Variants in LMCD1 observed in about 807,000 individuals in gnomAD.
LMCD1 encodes the protein LIM and cysteine-rich domains protein 1.
LMCD1 carries 32 observed loss-of-function variants against 42.7 expected under a neutral mutation model. That is an observed-to-expected ratio of 0.75 (90% CI 0.57 to 1.01). The LOEUF is 1.01. Ranked by LOEUF, LMCD1 falls within the 50% of genes least tolerant of loss-of-function variation. The pLI, the probability that LMCD1 is intolerant of heterozygous loss-of-function variation, is 0.00. For synonymous variants in LMCD1, 178 were observed against 184.9 expected, an observed-to-expected ratio of 0.96 and a Z score of 0.30; for missense variants, 458 against 483.1, an observed-to-expected ratio of 0.95 and a Z score of 0.49.
At chr3:8,533,445 C>A (rs746326532) in intron 2 of LMCD1, among the ~76,000 whole-genome samples, 1 of 152,142 alleles carries the variant, frequency 6.6e-6, no homozygotes, top group Non-Finnish European at 1.5e-5. Flanking sequence ...GTGGATGGCA[C>A]CTCTGGAGTG....
At chr3:8,549,855 T>G in intron 4 of LMCD1, 1 of 715,948 alleles carries the variant, frequency 1.4e-6, no homozygotes, top group South Asian at 1.5e-5. Context: ...CTAACTCGGG[T>G]CTCTCTTCCT....
At chr3:8,518,855 G>A (rs533576366) in intron 1 of LMCD1, among the ~76,000 whole-genome samples, 1 of 152,210 alleles carries the variant, frequency 6.6e-6, no homozygotes, top group South Asian at 2.1e-4. Context: ...GAGGAGGCTA[G>A]GATCCTGGAA....
chr3:8,548,856 G>A lies in LMCD1; in HGVS notation c.676G>A (p.Ala226Thr). 2 of 1,571,966 alleles carry A rather than the reference G, an allele frequency of 1.3e-6. No homozygotes were observed. The highest frequency in any genetic ancestry group is 1.7e-6 in the Non-Finnish European group (2 of 1,154,596). Residue 226 changes from alanine to threonine, a missense_variant, in exon 4 of 6, where the codon GCT (alanine) becomes ACT (threonine). Ala to Thr is a moderately conservative substitution (Grantham distance 58). Transcript: ENST00000157600. ...EKPEGAETTA[A>T]TTNGSLSDPS... is the part of the protein sequence containing the mutation. Reference sequence around the variant, plus strand: ...GCCAGAGGGGGCAGAGACCACTGCTGCTACCACCAACGGCAGTCTCAGTGA... The same window carrying A: ...GCCAGAGGGGGCAGAGACCACTGCTACTACCACCAACGGCAGTCTCAGTGA...
chr3:8,526,367 T>C (rs1694300182), intron 1 of LMCD1, among the ~76,000 whole-genome samples: 1 of 152,178 alleles, frequency 6.6e-6, no homozygotes, highest in African/African-American at 2.4e-5. Flanking sequence ...AAATCTAAGC[T>C]CTAGCACTTT....
chr3:8,539,690 C>T (rs184048317), intron 3 of LMCD1, among the ~76,000 whole-genome samples: 4 of 152,244 alleles, frequency 2.6e-5, no homozygotes, highest in African/African-American at 9.6e-5. Flanking sequence ...CATAAAACCA[C>T]ATGGCTGTAA....
chr3:8,547,477 A>G (rs1393484967), intron 3 of LMCD1, among the ~76,000 whole-genome samples: 3 of 152,256 alleles, frequency 2.0e-5, no homozygotes, highest in African/African-American at 7.2e-5. Flanking sequence ...CCATGAGCCA[A>G]TAAGGTGTAA....
intron 1 of LMCD1, among the ~76,000 whole-genome samples, chr3:8,522,357 G>T (rs1370471019): frequency 6.6e-6 from 1 of 152,148 alleles, no homozygotes; most frequent in Non-Finnish European, 1.5e-5. Flanking sequence ...AGGAGAGTGG[G>T]TAACTAGTCT....
intron 1 of LMCD1, among the ~76,000 whole-genome samples, chr3:8,529,862 C>T (rs577117295): frequency 9.2e-5 from 14 of 152,314 alleles, no homozygotes; most frequent in African/African-American, 2.6e-4. Flanking sequence ...CAACAAAGAA[C>T]GCTCAGTGCA....
At chr3:8,566,714 T>C (rs1695138614) in intron 5 of LMCD1, among the ~76,000 whole-genome samples, 2 of 152,222 alleles carry the variant, frequency 1.3e-5, no homozygotes, top group Middle Eastern at 3.2e-3. Flanking sequence ...TTAAGAAAAG[T>C]GCAGCTCTGA....
chr3:8,548,563 C>T lies in LMCD1; in HGVS notation c.388-5C>T, dbSNP rs763972763. 1.3e-6 allele frequency: 2 copies of T among 1,599,508 alleles called. No individual in the cohort carries two copies. The highest frequency in any genetic ancestry group is 4.5e-5 in the East Asian group (2 of 44,576). On this transcript the variant is annotated splice_region_variant and splice_polypyrimidine_tract_variant and intron_variant, in intron 3 of 5. Transcript: ENST00000157600. The stretch of plus-strand genomic sequence containing the variant: ...ATGTTGTCTCTTCCTCCTCCTCCTC[C>T]CTAGGGACTGCAGTACATGGAGCTC...
At position 8,552,509 on chromosome 3, in the gene LMCD1, C is replaced by T. The variant is rs75223739; in HGVS notation, c.723+3606C>T. ...CAGAAGGCTGGGTCCCCTTCCAGAG[C>T]TTATCAGTAGGTGTGGGGTGGAGCC... is the stretch of plus-strand genomic sequence containing the variant. On this transcript the variant is annotated intron_variant, in intron 4 of 5. Transcript: ENST00000157600. Among the ~76,000 whole-genome samples, 1,162 of 152,288 alleles carry T rather than the reference C, an allele frequency of 7.6e-3. 17 individuals are homozygous for T. Among genetic ancestry groups the T allele is most frequent in the African/African-American group, 0.027 (1,128 of 41,570 alleles).
chr3:8,539,312 C>T (rs1163530319), intron 3 of LMCD1, among the ~76,000 whole-genome samples: 1 of 152,186 alleles, frequency 6.6e-6, no homozygotes, highest in Non-Finnish European at 1.5e-5. Flanking sequence ...TTTAAAAGAA[C>T]ACTTCAGCAT....
At chr3:8,510,963 C>T (rs1374693990) in intron 1 of LMCD1, among the ~76,000 whole-genome samples, 5 of 152,206 alleles carry the variant, frequency 3.3e-5, no homozygotes, top group Admixed American at 1.3e-4. Context: ...CACATCTATG[C>T]ATAGGTAAAC....
At position 8,565,626 on chromosome 3, in the gene LMCD1, C is replaced by T. The variant is rs1379129513; in HGVS notation, c.918C>T (p.Pro306=). The stretch of plus-strand genomic sequence containing the variant: ...GCCATTACTGCGAGAGTCTGCGGCC[C>T]CGGTGCTCCGGCTGCGATGAGGTGG... ...CGRHYCESLR[P]RCSGCDEIIF... is the part of the protein sequence containing the mutation. The change falls in exon 5 of 6, where the codon CCC becomes CCT. Residue 306 remains proline (P), a synonymous_variant. Coordinates refer to ENST00000157600, the MANE Select transcript of LMCD1 (RefSeq NM_014583.4). 3.7e-6 allele frequency: 6 copies of T among 1,605,482 alleles called. No homozygotes were observed. Among genetic ancestry groups the T allele is most frequent in the Non-Finnish European group, 4.3e-6 (5 of 1,176,286 alleles).
chr3:8,510,209 T>C (rs1291558115), intron 1 of LMCD1, among the ~76,000 whole-genome samples: 6 of 152,116 alleles, frequency 3.9e-5, no homozygotes, highest in Non-Finnish European at 8.8e-5. Flanking sequence ...ATCTGCTGGC[T>C]GAAAGAGGTG....
At chr3:8,562,996 G>A (rs1695066538) in intron 4 of LMCD1, among the ~76,000 whole-genome samples, 1 of 152,212 alleles carries the variant, frequency 6.6e-6, no homozygotes, top group Admixed American at 6.5e-5. Flanking sequence ...GTCTAAACCT[G>A]TCTCTAAGGT....
At chr3:8,558,930 A>T (rs1197257357) in intron 4 of LMCD1, among the ~76,000 whole-genome samples, 1 of 152,146 alleles carries the variant, frequency 6.6e-6, no homozygotes, top group Non-Finnish European at 1.5e-5. Context: ...ACTGTATCAG[A>T]CACTGTGGGG....
rs1040426929 is a variant in LMCD1 at position 8,573,259 on chromosome 3, A to G, written c.*5661A>G. The stretch of plus-strand genomic sequence containing the variant: ...ACACTTCCTAGTTTATTTGGATTTA[A>G]GTTGACAAATAAAAATTGCATATGT... On this transcript the variant is annotated 3_prime_UTR_variant, in exon 6 of 6. Transcript: ENST00000157600. 6 of 152,222 alleles carry G rather than the reference A, an allele frequency of 3.9e-5. No homozygotes were observed. Among genetic ancestry groups the G allele is most frequent in the African/African-American group, 1.4e-4 (6 of 41,454 alleles). The allele number at this position is 152,222 out of a possible 1,614,324, so 9.4% of individuals were successfully genotyped here. A position where few individuals can be genotyped will look rare whatever the true frequency, so the allele number is the denominator to read the frequency against.
intron 3 of LMCD1, among the ~76,000 whole-genome samples, chr3:8,542,821 A>G (rs1694651340): frequency 6.6e-6 from 1 of 152,188 alleles, no homozygotes; most frequent in Non-Finnish European, 1.5e-5. Flanking sequence ...AAAAGGTAAC[A>G]TTAGTACCTT....
Sources: gnomAD v4.1 joint callset for allele counts (sites outside exome capture counted in the v4.1 genomes callset) on GRCh38, gnomAD v4.1.1 for gene constraint, MANE v1.5 for transcripts, NCBI Gene and HGNC (gene_info 2026-07-23, HGNC 2026-07-21) for gene names.